Variants in PARS2 observed in about 807,000 individuals in gnomAD.
PARS2 encodes probable proline--tRNA ligase, mitochondrial.
Under a neutral mutation model 27.4 loss-of-function variants are expected in PARS2, and 20 were observed. The observed-to-expected ratio is 0.73, with a 90% confidence interval of 0.51 to 1.06. The LOEUF is 1.06. Among genes scored for constraint, PARS2 ranks in the 50% least tolerant of loss-of-function variants. PARS2 has a pLI of 0.00. For synonymous variants in PARS2, 240 were observed against 247.1 expected (o/e 0.97, Z 0.27); for missense variants, 585 against 602.1 (o/e 0.97, Z 0.30).
Position 54,758,487 on chromosome 1 carries a change from C to G in PARS2, c.675G>C (p.Leu225=). Residue 225 remains leucine (L), a synonymous_variant, in exon 2 of 2, where the codon CTG becomes CTC. Coordinates refer to ENST00000371279, the MANE Select transcript of PARS2 (RefSeq NM_152268.4). ...SPEAAQQTYS[L]VCDAYCSLFN... ...ACAGGCTGCAGTAGGCATCACACAC[C>G]AGGCTGTAGGTCTGCTGGGCAGCCT... The G allele has an allele frequency of 6.2e-7, 1 of 1,614,132 alleles. No individual in the cohort carries two copies. Among genetic ancestry groups the G allele is most frequent in the Non-Finnish European group, 8.5e-7 (1 of 1,180,028 alleles).
At chr1:54,759,948 G>A (rs1646146794) in intron 1 of PARS2, among the ~76,000 whole-genome samples, 1 of 151,954 alleles carries the variant, frequency 6.6e-6, no homozygotes, top group African/African-American at 2.4e-5. Flanking sequence ...AGGTTGCAGT[G>A]AGCTGAGACT....
chr1:54,760,838 G>A (rs911265802), intron 1 of PARS2, among the ~76,000 whole-genome samples: 1 of 151,966 alleles, frequency 6.6e-6, no homozygotes, highest in Non-Finnish European at 1.5e-5. Context: ...GAATGTAGTG[G>A]CGCGATCTGG....
At chr1:54,759,240 C>T in intron 1 of PARS2, 50 bp from the exon 2 acceptor site, 1 of 1,225,990 alleles carries the variant, frequency 8.2e-7, no homozygotes, top group Non-Finnish European at 1.1e-6. Context: ...TGTTCCAACA[C>T]CATGAAGCAG....
At chr1:54,764,009 A>C (rs1274228385) in intron 1 of PARS2, among the ~76,000 whole-genome samples, 1 of 152,176 alleles carries the variant, frequency 6.6e-6, no homozygotes, top group Admixed American at 6.5e-5. Context: ...CCGCCTCCAA[A>C]TCCTACAGTT....
Position 54,758,838 on chromosome 1 carries a change from C to T in PARS2, c.324G>A (p.Glu108=). The change falls in exon 2 of 2, where the codon GAG becomes GAA. Residue 108 remains glutamate, a synonymous_variant. Coordinates refer to ENST00000371279, the MANE Select transcript of PARS2 (RefSeq NM_152268.4). The stretch of plus-strand genomic sequence containing the variant: ...CTTTCTGGCCCCCGATGGCCTGCAT[C>T]TCCTGGTCTATCACTCGCACGAGCT... ...MEKLVRVIDQ[E]MQAIGGQKVN... 2 of 1,614,250 alleles carry T rather than the reference C, an allele frequency of 1.2e-6. No homozygotes were observed. The highest frequency in any genetic ancestry group is 1.7e-6 in the Non-Finnish European group (2 of 1,180,056).
chr1:54,758,563 C>A lies in PARS2; in HGVS notation c.599G>T (p.Arg200Leu). ...DEPRPRFGLLRGREFYMKDMY... is the reference protein window; with the variant it reads ...DEPRPRFGLLLGREFYMKDMY... ...ATCCTTCATGTAAAACTCTCGGCCACGGAGAAGACCAAAGCGGGGCCTGGG... is the reference window on the plus strand; with the variant it reads ...ATCCTTCATGTAAAACTCTCGGCCAAGGAGAAGACCAAAGCGGGGCCTGGG... Residue 200 changes from arginine to leucine, a missense_variant, in exon 2 of 2, where the codon CGT becomes CTT. Transcript: ENST00000371279. The A allele has an allele frequency of 6.2e-7, 1 of 1,614,204 alleles. No individual in the cohort carries two copies. The highest frequency in any genetic ancestry group is 8.5e-7 in the Non-Finnish European group (1 of 1,180,028).
chr1:54,758,899 T>C lies in PARS2; in HGVS notation c.263A>G (p.Tyr88Cys). ...ACGGACGGTATATGGCAGGAGGTGG[T>C]AACAGCCGGGGCTTGCTGGGTAGAT... ...GLIYPASPGCYHLLPYTVRAM... is the reference protein window; with the variant it reads ...GLIYPASPGCCHLLPYTVRAM... The change falls in exon 2 of 2, where the codon TAC (tyrosine) becomes TGC (cysteine). Residue 88 changes from tyrosine to cysteine, a missense_variant. Physicochemically the swap from Tyr to Cys is radical, Grantham distance 194. Coordinates refer to ENST00000371279, the MANE Select transcript of PARS2 (RefSeq NM_152268.4). 1 of 1,614,152 alleles carries C rather than the reference T, an allele frequency of 6.2e-7. No individual in the cohort carries two copies. Among genetic ancestry groups the C allele is most frequent in the East Asian group, 2.2e-5 (1 of 44,874 alleles).
intron 1 of PARS2, among the ~76,000 whole-genome samples, chr1:54,761,543 T>C (rs965791613): frequency 4.6e-5 from 7 of 152,182 alleles, no homozygotes; most frequent in African/African-American, 1.4e-4. Context: ...GGGAGAGGCG[T>C]TGAAGAATGG....
rs1646136122 is a variant in PARS2 at position 54,758,612 on chromosome 1, C to T, written c.550G>A (p.Val184Met). ...GGCTCATCCCGAAACTTCCTTGTCA[C>T]TTGGTACAGCAGGAAGGGAAGCTGC... ...YKQLPFLLYQ[V>M]TRKFRDEPRP... The change falls in exon 2 of 2, where the codon GTG (valine) becomes ATG (methionine). Residue 184 changes from valine to methionine, a missense_variant. Transcript: ENST00000371279. 6.2e-7 allele frequency: 1 copy of T among 1,614,108 alleles called. No individual in the cohort carries two copies. Among genetic ancestry groups the T allele is most frequent in the South Asian group, 1.1e-5 (1 of 91,080 alleles).
chr1:54,758,948 G>T lies in PARS2; in HGVS notation c.214C>A (p.Arg72=), dbSNP rs760203526. 1.2e-6 allele frequency: 2 copies of T among 1,613,996 alleles called. No homozygotes were observed. The highest frequency in any genetic ancestry group is 4.5e-5 in the East Asian group (2 of 44,874). Residue 72 remains arginine, a synonymous_variant, in exon 2 of 2, where the codon CGG becomes AGG. Coordinates refer to ENST00000371279, the MANE Select transcript of PARS2 (RefSeq NM_152268.4). ...KSDDLTCKSQ[R]LMLQVGLIYP... Reference sequence around the variant, plus strand: ...ATCAGGCCCACCTGCAGCATCAGCCGCTGGCTCTTACAGGTCAGGTCATCA... The same window carrying T: ...ATCAGGCCCACCTGCAGCATCAGCCTCTGGCTCTTACAGGTCAGGTCATCA...
In PARS2 at chr1:54,757,695, C is replaced by T. The variant is rs1343059381; in HGVS notation, c.*39G>A. On this transcript the variant is annotated 3_prime_UTR_variant, in exon 2 of 2. Coordinates refer to ENST00000371279, the MANE Select transcript of PARS2 (RefSeq NM_152268.4). ...GGAAAATGCAGTGTTAGAACGAACACCAAGGCTGCAAATGGGGGCAGGGGT... is the reference window on the plus strand; with the variant it reads ...GGAAAATGCAGTGTTAGAACGAACATCAAGGCTGCAAATGGGGGCAGGGGT... 1 of 1,426,156 alleles carries T rather than the reference C, an allele frequency of 7.0e-7. No homozygotes were observed. The highest frequency in any genetic ancestry group is 9.7e-7 in the Non-Finnish European group (1 of 1,029,674). 88.3% of individuals were successfully genotyped at this position (1,426,156 alleles called of 1,614,324 possible).
chr1:54,757,703 G>T lies in PARS2; in HGVS notation c.*31C>A. The stretch of plus-strand genomic sequence containing the variant: ...CAGTGTTAGAACGAACACCAAGGCT[G>T]CAAATGGGGGCAGGGGTGGGCTGGG... On this transcript the variant is annotated 3_prime_UTR_variant, in exon 2 of 2. Transcript: ENST00000371279. 6.8e-7 allele frequency: 1 copy of T among 1,467,932 alleles called. No homozygotes were observed. The highest frequency in any genetic ancestry group is 9.4e-7 in the Non-Finnish European group (1 of 1,065,494). 90.9% of individuals were successfully genotyped at this position (1,467,932 alleles called of 1,614,324 possible). A position where few individuals can be genotyped will look rare whatever the true frequency, so the allele number is the denominator to read the frequency against.
intron 1 of PARS2, among the ~76,000 whole-genome samples, chr1:54,761,076 C>CTAAT: frequency 6.6e-6 from 1 of 152,326 alleles, no homozygotes; most frequent in South Asian, 2.1e-4. Flanking sequence ...CTGCGCCCGG[C>CTAAT]CCCATGCCCA....
intron 1 of PARS2, among the ~76,000 whole-genome samples, chr1:54,761,376 T>C (rs1646156470): frequency 6.6e-6 from 1 of 152,224 alleles, no homozygotes; most frequent in Non-Finnish European, 1.5e-5. Context: ...TTACTAGACA[T>C]TGTCCAATAG....
chr1:54,759,558 A>G (rs1383488227), intron 1 of PARS2, among the ~76,000 whole-genome samples: 2 of 152,192 alleles, frequency 1.3e-5, no homozygotes, highest in Non-Finnish European at 2.9e-5. Flanking sequence ...TTCATCTGTA[A>G]AATGGTAATA....
chr1:54,759,100 A>G lies in PARS2; in HGVS notation c.62T>C (p.Leu21Pro), dbSNP rs116816976. The G allele has an allele frequency of 9.3e-6, 15 of 1,612,062 alleles. No homozygotes were observed. The highest frequency in any genetic ancestry group is 1.2e-5 in the Non-Finnish European group (14 of 1,178,560). ...AAACCTGCAAGGAACATACCCAGAG[A>G]GCTGGCGGCTGCAGGTGGCCAGGGC... ...LPALATCSRQ[L>P]SGYVPCRFHH... Residue 21 changes from leucine to proline, a missense_variant, in exon 2 of 2, where the codon CTC becomes CCC. Coordinates refer to ENST00000371279, the MANE Select transcript of PARS2 (RefSeq NM_152268.4).
chr1:54,759,031 C>A lies in PARS2; in HGVS notation c.131G>T (p.Arg44Leu), dbSNP rs769316105. The A allele has an allele frequency of 6.2e-7, 1 of 1,614,124 alleles. No individual in the cohort carries two copies. The highest frequency in any genetic ancestry group is 8.5e-7 in the Non-Finnish European group (1 of 1,180,014). The change falls in exon 2 of 2, where the codon CGT becomes CTT. Residue 44 changes from arginine to leucine, a missense_variant. Physicochemically the swap from Arg to Leu is moderately radical, Grantham distance 102 (BLOSUM62 -2). Coordinates refer to ENST00000371279, the MANE Select transcript of PARS2 (RefSeq NM_152268.4). Reference protein sequence around the residue: ...PRRGRRLLLSRVFQPQNLRED... With the variant: ...PRRGRRLLLSLVFQPQNLRED... ...CCGAAGGTTCTGTGGCTGGAACACA[C>A]GAGACAGCAGCAGGCGCCGCCCTCT...
chr1:54,758,025 C>A lies in PARS2; in HGVS notation c.1137G>T (p.Lys379Asn). Residue 379 changes from lysine to asparagine, a missense_variant, in exon 2 of 2, where the codon AAG becomes AAT. Coordinates refer to ENST00000371279, the MANE Select transcript of PARS2 (RefSeq NM_152268.4). ...CGGAGGCCGCCTGCTCCTTACTGCC[C>A]TTCTTAGGGGGGATGAGGCAGGCTT... is the stretch of plus-strand genomic sequence containing the variant. Reference protein sequence around the residue: ...PYQACLIPPKKGSKEQAASEL... With the variant: ...PYQACLIPPKNGSKEQAASEL... The A allele has an allele frequency of 6.2e-7, 1 of 1,614,094 alleles. No homozygotes were observed. The highest frequency in any genetic ancestry group is 1.1e-5 in the South Asian group (1 of 91,070).
chr1:54,758,897 G>A lies in PARS2; in HGVS notation c.265C>T (p.His89Tyr), dbSNP rs1646138140. 1 of 1,614,102 alleles carries A rather than the reference G, an allele frequency of 6.2e-7. No individual in the cohort carries two copies. The highest frequency in any genetic ancestry group is 1.1e-5 in the South Asian group (1 of 91,086). ...LIYPASPGCYHLLPYTVRAME... is the reference protein window; with the variant it reads ...LIYPASPGCYYLLPYTVRAME... ...GCACGGACGGTATATGGCAGGAGGT[G>A]GTAACAGCCGGGGCTTGCTGGGTAG... Residue 89 changes from histidine to tyrosine, a missense_variant, in exon 2 of 2, where the codon CAC (histidine) becomes TAC (tyrosine). Transcript: ENST00000371279.
Sources: allele counts gnomAD v4.1 joint callset (sites outside exome capture counted in the v4.1 genomes callset), GRCh38; gene constraint gnomAD v4.1.1; transcripts MANE v1.5; gene names NCBI Gene and HGNC (gene_info 2026-07-23, HGNC 2026-07-21).